Variants in MYO1B observed in about 807,000 individuals in gnomAD.
The protein encoded by MYO1B is myosin IB, also known as unconventional myosin-Ib.
A neutral mutation model predicts 159.7 loss-of-function variants in MYO1B; 72 were observed. The observed-to-expected ratio is 0.45, with a 90% CI of 0.37 to 0.55. MYO1B has a LOEUF of 0.55. Ranked by LOEUF, MYO1B falls within the 20% of genes least tolerant of loss-of-function variation. The pLI, the probability that MYO1B is intolerant of heterozygous loss-of-function variation, is 0.00. For missense variants in MYO1B, 1,062 were observed against 1,364.8 expected, an observed-to-expected ratio of 0.78 and a Z score of 3.50; for synonymous variants, 468 against 473.8, an observed-to-expected ratio of 0.99 and a Z score of 0.16.
chr2:191,366,781 T>G (rs1158131419), intron 11 of MYO1B, among the ~76,000 whole-genome samples: 1 of 152,014 alleles, frequency 6.6e-6, no homozygotes, highest in Non-Finnish European at 1.5e-5. Context: ...TCTGCCCATC[T>G]AAATGCTCTA....
intron 4 of MYO1B, among the ~76,000 whole-genome samples, chr2:191,334,428 T>G (rs1268552195): frequency 1.3e-5 from 2 of 152,152 alleles, no homozygotes; most frequent in Non-Finnish European, 2.9e-5. Context: ...TCCATTTTTC[T>G]TAGGAAAAAA....
chr2:191,301,053 G>A (rs1319574202), intron 3 of MYO1B, among the ~76,000 whole-genome samples: 1 of 152,020 alleles, frequency 6.6e-6, no homozygotes, highest in African/African-American at 2.4e-5. Context: ...CTCCTCTGCG[G>A]CTCCTTTCCT....
intron 15 of MYO1B, among the ~76,000 whole-genome samples, chr2:191,384,091 A>G (rs1236690471): frequency 6.6e-6 from 1 of 152,216 alleles, no homozygotes; most frequent in African/African-American, 2.4e-5. Flanking sequence ...TTAAAGTGTG[A>G]AAAATTATTG....
intron 1 of MYO1B, among the ~76,000 whole-genome samples, chr2:191,260,254 C>CATTTTTTTTTTTTTTTTTTTTTTT (rs1686717281): frequency 1.6e-5 from 1 of 60,962 alleles, no homozygotes; most frequent in East Asian, 8.3e-4. Flanking sequence ...CCCAGATAGG[C>CATTTTTTTTTTTTTTTTTTTTTTT]TTTTTTTTTT....
chr2:191,357,847 G>A (rs72918503), intron 7 of MYO1B, among the ~76,000 whole-genome samples: 2,305 of 152,270 alleles, frequency 0.015, 16 homozygotes, highest in Non-Finnish European at 0.024. Flanking sequence ...AAACCAATAA[G>A]GAATGGTCTT....
intron 4 of MYO1B, among the ~76,000 whole-genome samples, chr2:191,337,236 G>A (rs898111519): frequency 5.9e-5 from 9 of 152,014 alleles, no homozygotes; most frequent in East Asian, 1.9e-4. Context: ...TTCACCTTCC[G>A]CTACTTCACA....
intron 21 of MYO1B, among the ~76,000 whole-genome samples, chr2:191,397,768 G>A (rs2126122286): frequency 6.9e-6 from 1 of 145,352 alleles, no homozygotes; most frequent in African/African-American, 2.6e-5. Flanking sequence ...AGTAGGGGCG[G>A]CCGGGCAGAA....
At chr2:191,369,135 A>T (rs1694199108) in intron 11 of MYO1B, among the ~76,000 whole-genome samples, 1 of 152,208 alleles carries the variant, frequency 6.6e-6, no homozygotes, top group Non-Finnish European at 1.5e-5. Context: ...TAATTTTCAC[A>T]TTACGCGAGC....
At position 191,343,135 on chromosome 2, in the gene MYO1B, G is replaced by A. The variant is rs146700315; in HGVS notation, c.451+1570G>A. Among the ~76,000 whole-genome samples, 18 of 152,236 alleles carry A rather than the reference G, an allele frequency of 1.2e-4. 1 individual carries two copies. In the East Asian group the frequency reaches 3.5e-3, roughly 29 times the overall value. On this transcript the variant is annotated intron_variant, in intron 5 of 30. Coordinates refer to ENST00000392318, the MANE Select transcript of MYO1B (RefSeq NM_001130158.3). ...ACAGTTGAAAGTATCTCCAGACATT[G>A]TCAGATGTCCCCTAGGGAGTCAGAA...
intron 2 of MYO1B, among the ~76,000 whole-genome samples, chr2:191,279,614 T>C (rs1687936103): frequency 6.6e-6 from 1 of 152,190 alleles, no homozygotes; most frequent in Non-Finnish European, 1.5e-5. Context: ...CTGGCTCTTA[T>C]CCTGATAATA....
At chr2:191,419,726 C>T (rs1697820634) in intron 30 of MYO1B, among the ~76,000 whole-genome samples, 1 of 151,898 alleles carries the variant, frequency 6.6e-6, no homozygotes, top group African/African-American at 2.4e-5. Flanking sequence ...ATGCTCCTGA[C>T]CCTGTGTAGG....
intron 1 of MYO1B, among the ~76,000 whole-genome samples, chr2:191,248,702 T>C (rs986402019): frequency 6.6e-6 from 1 of 152,230 alleles, no homozygotes; most frequent in Admixed American, 6.5e-5. Flanking sequence ...CCATTGTAAA[T>C]TGAGGACCCT....
At chr2:191,285,314 T>C (rs771982797) in intron 2 of MYO1B, among the ~76,000 whole-genome samples, 1 of 152,216 alleles carries the variant, frequency 6.6e-6, no homozygotes, top group Non-Finnish European at 1.5e-5. Context: ...GTTGAACTCA[T>C]ATATAGTTCT....
chr2:191,416,210 C>T lies in MYO1B; in HGVS notation c.3255C>T (p.Thr1085=). ...TCTATCGCACAACTCTCAGCCAAAC[C>T]AAACAGAAGCTCAATATTGAGATTT... ...TKLYRTTLSQ[T]KQKLNIEISD... Residue 1085 remains threonine, a synonymous_variant, in exon 30 of 31, where the codon ACC becomes ACT. Transcript: ENST00000392318. 6.2e-7 allele frequency: 1 copy of T among 1,614,142 alleles called. No homozygotes were observed. The highest frequency in any genetic ancestry group is 8.5e-7 in the Non-Finnish European group (1 of 1,180,028).
At chr2:191,412,288 A>ATT (rs1360736746) in intron 27 of MYO1B, among the ~76,000 whole-genome samples, 1 of 152,244 alleles carries the variant, frequency 6.6e-6, no homozygotes, top group African/African-American at 2.4e-5. Context: ...ACATTTTTAA[A>ATT]TTAGGGAATA....
intron 18 of MYO1B, among the ~76,000 whole-genome samples, chr2:191,391,452 G>A (rs1288375697): frequency 6.6e-6 from 1 of 152,164 alleles, no homozygotes; most frequent in African/African-American, 2.4e-5. Context: ...TGTAGGATTT[G>A]GGTACTGTTT....
At chr2:191,341,069 A>AGAGCAGTCTTT (rs1260754469) in intron 4 of MYO1B, among the ~76,000 whole-genome samples, 1 of 152,174 alleles carries the variant, frequency 6.6e-6, no homozygotes, top group Admixed American at 6.5e-5. Context: ...TCTTTGAAGA[A>AGAGCAGTCTTT]GAGCAGTCTT....
chr2:191,413,333 C>A (rs1195826223), intron 27 of MYO1B, among the ~76,000 whole-genome samples: 2 of 152,112 alleles, frequency 1.3e-5, no homozygotes, highest in Admixed American at 1.3e-4. Context: ...TAACACAAAG[C>A]CTGTTTTATA....
intron 24 of MYO1B, 102 bp downstream of exon 24, chr2:191,402,820 CAGTCT>C: frequency 1.2e-6 from 1 of 867,854 alleles, no homozygotes; most frequent in Non-Finnish European, 1.8e-6. Flanking sequence ...ATGGTCTGCA[CAGTCT>C]TGTAGAATGT....
Sources: gnomAD v4.1 joint callset for allele counts (sites outside exome capture counted in the v4.1 genomes callset) on GRCh38, gnomAD v4.1.1 for gene constraint, MANE v1.5 for transcripts, NCBI Gene and HGNC (gene_info 2026-07-23, HGNC 2026-07-21) for gene names.